Variants in PKD2 observed in about 807,000 individuals in gnomAD.
The protein encoded by PKD2 is polycystin-2.
PKD2 carries 48 observed loss-of-function variants against 105.9 expected under a neutral mutation model. The observed-to-expected ratio is 0.45, with a 90% confidence interval of 0.36 to 0.58. The LOEUF (loss-of-function observed/expected upper bound fraction) is 0.58, where lower values mean the gene tolerates loss of function less well. PKD2 is among the 20% of genes least tolerant of loss of function. The pLI is 0.00. For synonymous variants in PKD2, 464 were observed against 481.1 expected, an observed-to-expected ratio of 0.96 and a Z score of 0.46; for missense variants, 1,078 against 1,255.3, an observed-to-expected ratio of 0.86 and a Z score of 2.13.
intron 2 of PKD2, among the ~76,000 whole-genome samples, chr4:88,032,068 T>C (rs1286913985): frequency 6.6e-6 from 1 of 152,182 alleles, no homozygotes; most frequent in Non-Finnish European, 1.5e-5. Flanking sequence ...TGTGATTTAG[T>C]AAGAGTCTAA....
At chr4:88,041,492 C>G (rs547115427) in intron 4 of PKD2, among the ~76,000 whole-genome samples, 92 of 152,302 alleles carry the variant, frequency 6.0e-4, no homozygotes, top group African/African-American at 2.2e-3. Context: ...ATGGCAATAT[C>G]TGGGGAAAAC....
At chr4:88,046,608 T>C in intron 5 of PKD2, 34 bp from the exon 6 acceptor site, 1 of 1,193,732 alleles carries the variant, frequency 8.4e-7, no homozygotes, top group Non-Finnish European at 1.3e-6. Flanking sequence ...GTGTTGTTGT[T>C]GTTATTGTTT....
At chr4:88,039,419 C>G (rs1243241237) in intron 4 of PKD2, among the ~76,000 whole-genome samples, 2 of 152,122 alleles carry the variant, frequency 1.3e-5, no homozygotes, top group Admixed American at 1.3e-4. Flanking sequence ...AATCCCAGCA[C>G]TTTGGAAAGC....
intron 3 of PKD2, 36 bp from the exon 4 acceptor site, chr4:88,038,215 T>C: frequency 1.9e-6 from 3 of 1,613,122 alleles, no homozygotes; most frequent in East Asian, 2.2e-5. Context: ...GCGGCTGAGC[T>C]TGGAACTTTT....
intron 2 of PKD2, 112 bp downstream of exon 2, chr4:88,019,683 C>G: frequency 1.4e-6 from 1 of 706,490 alleles, no homozygotes; most frequent in Non-Finnish European, 2.6e-6. Context: ...GGGAAGTTAC[C>G]TTCTTACCTT....
intron 10 of PKD2, among the ~76,000 whole-genome samples, chr4:88,062,762 A>T (rs889403227): frequency 6.6e-6 from 1 of 152,088 alleles, no homozygotes; most frequent in African/African-American, 2.4e-5. Context: ...CCTTAGGATT[A>T]TGTTATCTGT....
rs748855749 is a variant in PKD2 at position 88,075,541 on chromosome 4, C to A, written c.2754C>A (p.Ser918=). The A allele has an allele frequency of 1.2e-6, 2 of 1,613,996 alleles. No homozygotes were observed. The highest frequency in any genetic ancestry group is 1.7e-6 in the Non-Finnish European group (2 of 1,179,874). The change falls in exon 15 of 15, where the codon TCC becomes TCA. Residue 918 remains serine (S), a synonymous_variant. Coordinates refer to ENST00000237596, the MANE Select transcript of PKD2 (RefSeq NM_000297.4). The part of the protein sequence containing the change: ...LVREELERWE[S]DDAASQISHG... ...GTGAAGAGTTGGAACGCTGGGAATC[C>A]GATGATGCAGCTTCCCAGATCAGTC...
intron 9 of PKD2, among the ~76,000 whole-genome samples, chr4:88,060,011 T>C (rs982033860): frequency 9.2e-5 from 14 of 152,224 alleles, no homozygotes; most frequent in African/African-American, 3.4e-4. Flanking sequence ...GTCCATCTGA[T>C]AATTCAGGGA....
chr4:88,033,892 G>A (rs1448308090), intron 2 of PKD2, among the ~76,000 whole-genome samples: 1 of 152,102 alleles, frequency 6.6e-6, no homozygotes, highest in Non-Finnish European at 1.5e-5. Context: ...GTCCTCGATT[G>A]GCTATAGACT....
chr4:88,065,641 A>G, intron 11 of PKD2, 121 bp from the exon 12 acceptor site: 1 of 1,184,578 alleles, frequency 8.4e-7, no homozygotes, highest in Non-Finnish European at 1.3e-6. Context: ...AACATGTTAT[A>G]AGAGGAAAAC....
At chr4:88,061,442 A>C (rs1720567216) in intron 9 of PKD2, among the ~76,000 whole-genome samples, 1 of 152,188 alleles carries the variant, frequency 6.6e-6, no homozygotes, top group Non-Finnish European at 1.5e-5. Flanking sequence ...CAAAACTGTT[A>C]ATTTATTACA....
rs1000973695 is a variant in PKD2, at chr4:88,008,108, G to A, written c.375G>A (p.Ser125=). 2.6e-6 allele frequency: 4 copies of A among 1,513,818 alleles called. No homozygotes were observed. The highest frequency in any genetic ancestry group is 3.5e-6 in the Non-Finnish European group (4 of 1,136,152). The allele number at this position is 1,513,818 out of a possible 1,614,324, so 93.8% of individuals were successfully genotyped here. Residue 125 remains serine (S), a synonymous_variant, in exon 1 of 15, where the codon TCG becomes TCA. Transcript: ENST00000237596. ...DVEWRPGSRR[S]AASSAVSSVG... Reference sequence around the variant, plus strand: ...AGTGGCGCCCGGGCAGCCGGAGGTCGGCCGCCTCCTCGGCCGTGAGCTCCG... The same window carrying A: ...AGTGGCGCCCGGGCAGCCGGAGGTCAGCCGCCTCCTCGGCCGTGAGCTCCG...
At chr4:88,021,915 G>A (rs930305433) in intron 2 of PKD2, among the ~76,000 whole-genome samples, 1 of 152,198 alleles carries the variant, frequency 6.6e-6, no homozygotes, top group Non-Finnish European at 1.5e-5. Flanking sequence ...GGAGACACAA[G>A]TTTGAGTAAC....
At position 88,068,062 on chromosome 4, in the gene PKD2, G is replaced by GT; in HGVS notation, c.2522+2dup. On this transcript the variant is annotated splice_donor_variant, in intron 13 of 14. Coordinates refer to ENST00000237596, the MANE Select transcript of PKD2 (RefSeq NM_000297.4). LOFTEE classifies it high-confidence loss of function. ...GCGTTTCTTACGAAGAGTTTCAAGT[G>GT]TAAGTATAAAGGAATTGGCAGAATT... The GT allele has an allele frequency of 6.2e-7, 1 of 1,613,700 alleles. No homozygotes were observed. The highest frequency in any genetic ancestry group is 8.5e-7 in the Non-Finnish European group (1 of 1,179,582).
chr4:88,069,647 T>C (rs1446500889), intron 13 of PKD2, among the ~76,000 whole-genome samples: 1 of 152,096 alleles, frequency 6.6e-6, no homozygotes, highest in Non-Finnish European at 1.5e-5. Context: ...TAGAACAATG[T>C]TACATTTTTA....
In PKD2 at chr4:88,036,210, T is replaced by G. The variant is rs1727324181; in HGVS notation, c.710-10T>G. The G allele has an allele frequency of 6.2e-7, 1 of 1,613,678 alleles. No homozygotes were observed. Among genetic ancestry groups the G allele is most frequent in the Non-Finnish European group, 8.5e-7 (1 of 1,179,782 alleles). ...CTTGGGGCGTTCATTTGGATCTTTC[T>G]GTGTTCCAGTGACCTACGGCATGAT... is the stretch of plus-strand genomic sequence containing the variant. On this transcript the variant is annotated splice_polypyrimidine_tract_variant and intron_variant, in intron 2 of 14. Coordinates refer to ENST00000237596, the MANE Select transcript of PKD2 (RefSeq NM_000297.4).
In PKD2 at chr4:88,061,997, T is replaced by C. The variant is rs752895258; in HGVS notation, c.2111T>C (p.Ile704Thr). 1 of 1,490,968 alleles carries C rather than the reference T, an allele frequency of 6.7e-7. No individual in the cohort carries two copies. Among genetic ancestry groups the C allele is most frequent in the Non-Finnish European group, 9.4e-7 (1 of 1,068,228 alleles). 92.4% of individuals were successfully genotyped at this position (1,490,968 alleles called of 1,614,324 possible). A position where few individuals can be genotyped will look rare whatever the true frequency, so the allele number is the denominator to read the frequency against. ...GCTGAAATGGAACTCTCAGATCTTA[T>C]CAGAAAGGTAGGAAAAACCTTAATT... ...QKAEMELSDL[I>T]RKGYHKALVK... is the part of the protein sequence containing the mutation. Residue 704 changes from isoleucine to threonine, a missense_variant, in exon 10 of 15, where the codon ATC becomes ACC. Physicochemically the swap from Ile to Thr is moderately conservative, Grantham distance 89 (BLOSUM62 -1). Transcript: ENST00000237596.
intron 4 of PKD2, among the ~76,000 whole-genome samples, chr4:88,041,366 G>A (rs1727558879): frequency 6.6e-6 from 1 of 152,168 alleles, no homozygotes; most frequent in African/African-American, 2.4e-5. Context: ...TAAGGGAGCT[G>A]TGTCAGGGGT....
chr4:88,036,136 G>C, intron 2 of PKD2, 84 bp from the exon 3 acceptor site: 2 of 1,611,540 alleles, frequency 1.2e-6, no homozygotes, highest in Non-Finnish European at 8.5e-7. Context: ...TTATCCACAG[G>C]AACAATCCCT....
Sources: allele counts gnomAD v4.1 joint callset (sites outside exome capture counted in the v4.1 genomes callset), GRCh38; gene constraint gnomAD v4.1.1; transcripts MANE v1.5; gene names NCBI Gene and HGNC (gene_info 2026-07-23, HGNC 2026-07-21).